Variants in POLR2F observed in about 807,000 individuals in gnomAD.
The protein encoded by POLR2F is DNA-directed RNA polymerases I, II, and III subunit RPABC2.
In POLR2F, 12 loss-of-function variants were observed where a neutral mutation model predicts 22.7. That is an observed-to-expected ratio of 0.53 (90% CI 0.34 to 0.86). The LOEUF (loss-of-function observed/expected upper bound fraction) is 0.86, where lower values mean the gene tolerates loss of function less well. POLR2F is among the 40% of genes least tolerant of loss of function. The pLI is 0.02. For synonymous variants in POLR2F, 57 were observed against 66.0 expected (o/e 0.86, Z 0.66); for missense variants, 126 against 171.5 (o/e 0.73, Z 1.48).
intron 3 of POLR2F, among the ~76,000 whole-genome samples, chr22:37,966,433 C>T (rs1931854774): frequency 6.9e-6 from 1 of 145,738 alleles, no homozygotes; most frequent in Non-Finnish European, 1.5e-5. Context: ...GTGGGGAGGG[C>T]TGGGCAGGAA....
intron 2 of POLR2F, 152 bp downstream of exon 2, chr22:37,956,994 C>A: frequency 1.4e-6 from 1 of 698,064 alleles, no homozygotes; most frequent in Non-Finnish European, 2.6e-6. Flanking sequence ...TCCAGTCTTG[C>A]ATAGCAGAAC....
chr22:38,031,778 C>A lies in POLR2F; in HGVS notation c.453-9290C>A, dbSNP rs2085068441. Among the ~76,000 whole-genome samples the A allele has an allele frequency of 6.6e-6, 1 of 152,166 alleles. No homozygotes were observed. The highest frequency in any genetic ancestry group is 2.4e-5 in the African/African-American group (1 of 41,416). The stretch of plus-strand genomic sequence containing the variant: ...CCCCAGACCAACCCCTCCCCGCTTC[C>A]CTGCCCCATCAACGGCCCCACTGTT... On this transcript the variant is annotated intron_variant, in intron 5 of 5. Transcript: ENST00000407936. This position sits in a 1 kb window ranked among gnomAD's most constrained non-coding sequence, Gnocchi z 4.1.
At chr22:38,032,620 C>G (rs571419665) in intron 5 of POLR2F, 3 of 152,344 alleles carry the variant, frequency 2.0e-5, no homozygotes, top group Admixed American at 2.0e-4. Context: ...GAGGCATAGG[C>G]CCTGTCCACA....
chr22:37,994,210 T>C (rs1222933064), intron 1 of POLR2F, among the ~76,000 whole-genome samples: 1 of 152,106 alleles, frequency 6.6e-6, no homozygotes, highest in Non-Finnish European at 1.5e-5. Flanking sequence ...GGCACAGCCC[T>C]GGGGTGTGTT....
chr22:37,969,975 T>G (rs1931995165), downstream of POLR2F, among the ~76,000 whole-genome samples: 1 of 152,102 alleles, frequency 6.6e-6, no homozygotes, highest in South Asian at 2.1e-4. Context: ...TTAGACAGTT[T>G]TAGAACTGAT....
intron 5 of POLR2F, among the ~76,000 whole-genome samples, chr22:38,034,686 T>C (rs571262636): frequency 6.6e-5 from 10 of 152,134 alleles, no homozygotes; most frequent in Non-Finnish European, 2.9e-5. Context: ...TGGGACAGAA[T>C]GAACTAATCC....
chr22:38,013,631 A>G (rs1011763698), intron 1 of POLR2F, among the ~76,000 whole-genome samples: 6 of 152,232 alleles, frequency 3.9e-5, no homozygotes, highest in African/African-American at 1.4e-4. Context: ...CTTTAGCTGT[A>G]CAGTATCTAG....
At chr22:37,983,358 T>G (rs1461943724), upstream of POLR2F, 1 of 1,607,422 alleles carries the variant, frequency 6.2e-7, no homozygotes, top group Admixed American at 1.7e-5. This position sits in a 1 kb window ranked among gnomAD's most constrained non-coding sequence, Gnocchi z 9.5. Flanking sequence ...GGTGCTCACC[T>G]CCAGAGCTTG....
downstream of POLR2F, among the ~76,000 whole-genome samples, chr22:38,030,409 C>T (rs1428965468): frequency 6.6e-6 from 1 of 152,136 alleles, no homozygotes; most frequent in Non-Finnish European, 1.5e-5. Context: ...TCAAAGCTTC[C>T]AAGGTAATAT....
chr22:37,983,257 G>A, upstream of POLR2F: 1 of 1,365,542 alleles, frequency 7.3e-7, no homozygotes, highest in Non-Finnish European at 1.0e-6. This position sits in a 1 kb window ranked among gnomAD's most constrained non-coding sequence, Gnocchi z 9.5. Flanking sequence ...AGGACTGCCA[G>A]ACAGTCCCGC....
downstream of POLR2F, among the ~76,000 whole-genome samples, chr22:38,028,584 G>A (rs1045932176): frequency 9.2e-5 from 14 of 152,154 alleles, no homozygotes; most frequent in Admixed American, 5.9e-4. Context: ...GCATGAATGT[G>A]TGTATGTGTG....
chr22:37,962,895 T>A (rs1291732149), intron 3 of POLR2F, among the ~76,000 whole-genome samples: 1 of 152,016 alleles, frequency 6.6e-6, no homozygotes, highest in Non-Finnish European at 1.5e-5. Flanking sequence ...TTTCACCGTG[T>A]TAGCGAGGAT....
At chr22:37,956,271 T>C (rs1931394732) in intron 1 of POLR2F, among the ~76,000 whole-genome samples, 1 of 152,016 alleles carries the variant, frequency 6.6e-6, no homozygotes, top group Non-Finnish European at 1.5e-5. Flanking sequence ...TTTGTATTTT[T>C]AGTAGAGACG....
intron 5 of POLR2F, among the ~76,000 whole-genome samples, chr22:38,036,267 G>T (rs1472317184): frequency 6.6e-6 from 1 of 151,908 alleles, no homozygotes; most frequent in Non-Finnish European, 1.5e-5. Context: ...GTGAGCCACC[G>T]CACCCAGCCG....
chr22:37,962,594 T>C (rs1170991533), intron 3 of POLR2F, among the ~76,000 whole-genome samples: 1 of 152,252 alleles, frequency 6.6e-6, no homozygotes, highest in Non-Finnish European at 1.5e-5. Context: ...ATGGTAGCCA[T>C]GAACTGTATG....
rs1354761567 is a variant in POLR2F, at chr22:38,017,100, G to A, written c.121-8769G>A. ...GTGGGGCCGTGCCTGAGCGGGGCAC[G>A]TGCCAGGGTCTGGGGTCTGCATCCT... On this transcript the variant is annotated intron_variant, in intron 1 of 2. Transcript: ENST00000333418. The surrounding 1 kb of genome is among the most constrained non-coding windows in gnomAD (Gnocchi z 4.1). Among the ~76,000 whole-genome samples, 7 of 152,214 alleles carry A rather than the reference G, an allele frequency of 4.6e-5. No homozygotes were observed. Among genetic ancestry groups the A allele is most frequent in the African/African-American group, 1.4e-4 (6 of 41,460 alleles).
intron 3 of POLR2F, among the ~76,000 whole-genome samples, chr22:37,964,402 C>T (rs1287810227): frequency 6.6e-6 from 1 of 151,994 alleles, no homozygotes; most frequent in African/African-American, 2.4e-5. Flanking sequence ...TCATAAGCAG[C>T]TTGGGGCATA....
chr22:37,983,939 G>A, upstream of POLR2F: 6 of 497,460 alleles, frequency 1.2e-5, no homozygotes, highest in Non-Finnish European at 1.9e-5. The surrounding 1 kb of genome is among the most constrained non-coding windows in gnomAD (Gnocchi z 9.5). Flanking sequence ...CAGGACGTGG[G>A]CACAGCCCCG....
Position 37,956,113 on chromosome 22 carries a change from G to T in POLR2F, c.21-660G>T, listed in dbSNP as rs1209475455. The stretch of plus-strand genomic sequence containing the variant: ...GGTGGCGGGGGGGGGTTTTGAGACG[G>T]AGTTTCACTCTTGTTGCCCAGGCTG... On this transcript the variant is annotated intron_variant, in intron 1 of 4. Coordinates refer to ENST00000442738, the MANE Select transcript of POLR2F (RefSeq NM_021974.5). Among the ~76,000 whole-genome samples the T allele has an allele frequency of 2.0e-5, 3 of 151,526 alleles. No homozygotes were observed. The East Asian group carries it at 5.8e-4, about 29-fold the overall frequency.
Sources: allele counts gnomAD v4.1 joint callset (sites outside exome capture counted in the v4.1 genomes callset), GRCh38; gene constraint gnomAD v4.1.1; non-coding constraint Gnocchi (gnomAD v3.1); transcripts MANE v1.5; gene names NCBI Gene and HGNC (gene_info 2026-07-23, HGNC 2026-07-21).